TBC1D19: variants seen among roughly 807,000 people sequenced by gnomAD.
The protein encoded by TBC1D19 is TBC1 domain family, member 19.
Under a neutral mutation model 89.0 loss-of-function variants are expected in TBC1D19, and 60 were observed. That is an observed-to-expected ratio of 0.67 (90% confidence interval 0.55 to 0.84). TBC1D19 has a LOEUF of 0.84. Among genes scored for constraint, TBC1D19 ranks in the 40% least tolerant of loss-of-function variants. The probability of loss-of-function intolerance (pLI) is 0.00; values close to 1 mark genes in which losing one functional copy is unlikely to be tolerated. For missense variants in TBC1D19, 500 were observed against 610.8 expected (o/e 0.82, Z 1.91); for synonymous variants, 189 against 199.7 (o/e 0.95, Z 0.45).
At chr4:26,629,460 A>G (rs1742652448) in intron 4 of TBC1D19, among the ~76,000 whole-genome samples, 2 of 152,014 alleles carry the variant, frequency 1.3e-5, no homozygotes, top group Non-Finnish European at 2.9e-5. Context: ...CTGTATCTCC[A>G]ACATCTGGCA....
At chr4:26,761,625 C>T in the TBC1D19 span, among the ~76,000 whole-genome samples, 3 of 152,050 alleles carry the variant, frequency 2.0e-5, no homozygotes, top group East Asian at 3.8e-4. Flanking sequence ...TCCATATATA[C>T]AGTATGTCAT....
chr4:26,792,619 C>T, the TBC1D19 span, among the ~76,000 whole-genome samples: 178 of 152,276 alleles, frequency 1.2e-3, 1 homozygote, highest in Non-Finnish European at 5.4e-4. Flanking sequence ...CGTAAGCATA[C>T]GATTTCTTTG....
At chr4:26,729,014 C>CA (rs74614443) in intron 15 of TBC1D19, among the ~76,000 whole-genome samples, 2 of 151,390 alleles carry the variant, frequency 1.3e-5, no homozygotes, top group African/African-American at 4.8e-5. Context: ...GACTCCGTCT[C>CA]AAAAAAAGAA....
At chr4:26,582,022 C>A (rs1026971433), upstream of TBC1D19, among the ~76,000 whole-genome samples, 1 of 150,874 alleles carries the variant, frequency 6.6e-6, no homozygotes. Context: ...AGCCAAACTT[C>A]GTAATTGTTG....
At chr4:26,642,534 T>C (rs919046334) in intron 7 of TBC1D19, among the ~76,000 whole-genome samples, 2 of 152,064 alleles carry the variant, frequency 1.3e-5, no homozygotes, top group Admixed American at 1.3e-4. Flanking sequence ...ATGAGCAAAA[T>C]AACCAGCTAA....
the TBC1D19 span, among the ~76,000 whole-genome samples, chr4:26,848,859 A>G: frequency 1.3e-5 from 2 of 152,304 alleles, no homozygotes; most frequent in Non-Finnish European, 2.9e-5. Context: ...TTCAGATAAT[A>G]TGGTGTACTA....
At chr4:26,684,884 C>T (rs925153332) in intron 12 of TBC1D19, among the ~76,000 whole-genome samples, 1 of 152,134 alleles carries the variant, frequency 6.6e-6, no homozygotes, top group African/African-American at 2.4e-5. Context: ...GTGCATACAA[C>T]TACCTAAGAG....
chr4:26,672,388 G>A (rs1283523032), intron 10 of TBC1D19, among the ~76,000 whole-genome samples: 1 of 151,914 alleles, frequency 6.6e-6, no homozygotes, highest in Non-Finnish European at 1.5e-5. Flanking sequence ...GTCAATAAAT[G>A]TCAGAGAAAG....
chr4:26,777,682 C>T, the TBC1D19 span, among the ~76,000 whole-genome samples: 1 of 151,446 alleles, frequency 6.6e-6, no homozygotes, highest in African/African-American at 2.4e-5. Context: ...CTCCTGGCGT[C>T]AAGTGATCCA....
intron 13 of TBC1D19, among the ~76,000 whole-genome samples, chr4:26,697,111 C>A (rs1442420213): frequency 6.6e-6 from 1 of 151,870 alleles, no homozygotes; most frequent in Admixed American, 6.6e-5. Context: ...AGAGTACTAG[C>A]AAGACTAATA....
chr4:26,717,898 C>T (rs372768227), intron 13 of TBC1D19, 35 bp from the exon 14 acceptor site: 255 of 1,524,166 alleles, frequency 1.7e-4, no homozygotes, highest in Non-Finnish European at 2.2e-4. Context: ...TATAATAGTG[C>T]TTAATTGCTA....
the TBC1D19 span, among the ~76,000 whole-genome samples, chr4:26,801,818 G>A: frequency 1.3e-5 from 2 of 152,104 alleles, no homozygotes; most frequent in African/African-American, 4.8e-5. Flanking sequence ...TGTGAAAAGA[G>A]GTTCAAATTC....
chr4:26,672,107 C>A (rs753934655), intron 9 of TBC1D19, 42 bp from the exon 10 acceptor site: 3 of 869,428 alleles, frequency 3.5e-6, no homozygotes, highest in African/African-American at 1.7e-5. Context: ...TGTGATTGCT[C>A]ATACTCATGT....
chr4:26,667,493 T>C (rs1013206935), intron 9 of TBC1D19, among the ~76,000 whole-genome samples: 5 of 152,108 alleles, frequency 3.3e-5, no homozygotes, highest in African/African-American at 9.7e-5. Context: ...GTTCAAATTA[T>C]ATTTGTGACA....
At chr4:26,606,000 C>T (rs1740974436) in intron 1 of TBC1D19, among the ~76,000 whole-genome samples, 1 of 152,112 alleles carries the variant, frequency 6.6e-6, no homozygotes, top group Non-Finnish European at 1.5e-5. Context: ...TCCACATAAA[C>T]AAAAGCATTC....
At chr4:26,840,238 T>C in the TBC1D19 span, among the ~76,000 whole-genome samples, 4 of 152,024 alleles carry the variant, frequency 2.6e-5, no homozygotes, top group South Asian at 6.2e-4. Context: ...CCCACCATCA[T>C]GCCCAGCCAA....
rs967695929 is a variant in TBC1D19 at position 26,629,275 on chromosome 4, G to C, written c.295-7936G>C. On this transcript the variant is annotated intron_variant, in intron 4 of 20. Coordinates refer to ENST00000264866, the MANE Select transcript of TBC1D19 (RefSeq NM_018317.4). ...ATGTTATCAAGTGAGATGATAGATT[G>C]TTTAGGATGGCTCTCTGACTCCCAG... Among the ~76,000 whole-genome samples, 6 of 152,118 alleles carry C rather than the reference G, an allele frequency of 3.9e-5. No individual in the cohort carries two copies. In the South Asian group the frequency reaches 6.2e-4, roughly 16 times the overall value.
At chr4:26,705,976 A>G (rs902905577) in intron 13 of TBC1D19, among the ~76,000 whole-genome samples, 2 of 152,064 alleles carry the variant, frequency 1.3e-5, no homozygotes, top group Non-Finnish European at 1.5e-5. Flanking sequence ...AGGCTTGATC[A>G]TAGCACATGC....
intron 1 of TBC1D19, among the ~76,000 whole-genome samples, chr4:26,604,447 C>T (rs1324849659): frequency 4.0e-5 from 6 of 151,570 alleles, no homozygotes; most frequent in Admixed American, 1.3e-4. Context: ...CCATCGCGCC[C>T]GGCCAGAATT....
Sources: allele counts gnomAD v4.1 joint callset (sites outside exome capture counted in the v4.1 genomes callset), GRCh38; gene constraint gnomAD v4.1.1; transcripts MANE v1.5; gene names NCBI Gene and HGNC (gene_info 2026-07-23, HGNC 2026-07-21).